The following ENTREP1 variants were observed in gnomAD, a reference collection of about 807,000 sequenced individuals.
ENTREP1 encodes Friedreich ataxia region gene X123.
At chr9:69,335,929 A>G in the ENTREP1 span, among the ~76,000 whole-genome samples, 1 of 72,700 alleles carries the variant, frequency 1.4e-5, no homozygotes, top group South Asian at 4.7e-4. Context: ...GGCTGCAGTG[A>G]GGCATGATCG....
the ENTREP1 span, chr9:69,380,720 G>T: frequency 6.6e-6 from 1 of 152,256 alleles, no homozygotes; most frequent in Non-Finnish European, 1.5e-5. Context: ...CAGGGATCAA[G>T]GAGTCTCCAA....
chr9:69,366,889 T>G, the ENTREP1 span, among the ~76,000 whole-genome samples: 1 of 152,062 alleles, frequency 6.6e-6, no homozygotes, highest in Non-Finnish European at 1.5e-5. Flanking sequence ...TCTGTTCCAT[T>G]AGTCTACATT....
At chr9:69,343,490 G>A in the ENTREP1 span, among the ~76,000 whole-genome samples, 5 of 152,260 alleles carry the variant, frequency 3.3e-5, no homozygotes, top group Admixed American at 6.5e-5. Context: ...CCAGGCTCCT[G>A]AGTGAAGTGG....
chr9:69,348,645 T>C, the ENTREP1 span, among the ~76,000 whole-genome samples: 1 of 152,244 alleles, frequency 6.6e-6, no homozygotes, highest in Non-Finnish European at 1.5e-5. Context: ...AATGTACTTT[T>C]TGTCTTCATA....
At chr9:69,333,694 C>T in the ENTREP1 span, among the ~76,000 whole-genome samples, 1,716 of 152,276 alleles carry the variant, frequency 0.011, 30 homozygotes, top group African/African-American at 0.039. Flanking sequence ...TAATGTCAAA[C>T]GCTAACTAAT....
At chr9:69,369,316 A>G in the ENTREP1 span, among the ~76,000 whole-genome samples, 1 of 152,180 alleles carries the variant, frequency 6.6e-6, no homozygotes, top group Admixed American at 6.5e-5. Context: ...TCTTTATAGT[A>G]GAATGATTTA....
At chr9:69,358,763 A>G in the ENTREP1 span, among the ~76,000 whole-genome samples, 1 of 152,250 alleles carries the variant, frequency 6.6e-6, no homozygotes, top group African/African-American at 2.4e-5. Context: ...GCACAAATTC[A>G]TTGTTAACAT....
At chr9:69,324,642 C>CTGCG in the ENTREP1 span, 54 of 985,392 alleles carry the variant, frequency 5.5e-5, no homozygotes, top group Non-Finnish European at 6.3e-5. Context: ...TAGGCACGTC[C>CTGCG]TGCGCCCTGT....
At chr9:69,332,600 T>C in the ENTREP1 span, among the ~76,000 whole-genome samples, 1 of 152,220 alleles carries the variant, frequency 6.6e-6, no homozygotes, top group African/African-American at 2.4e-5. Flanking sequence ...TATATACATT[T>C]TGTACATATT....
At chr9:69,384,313 C>A in the ENTREP1 span, among the ~76,000 whole-genome samples, 5 of 152,086 alleles carry the variant, frequency 3.3e-5, no homozygotes, top group African/African-American at 1.2e-4. Flanking sequence ...AAAATACCAT[C>A]AACTATTAGG....
chr9:69,355,715 G>A, the ENTREP1 span, among the ~76,000 whole-genome samples: 2 of 152,184 alleles, frequency 1.3e-5, no homozygotes, highest in Non-Finnish European at 1.5e-5. Context: ...TGGCAGCCAG[G>A]TTGGGAATCA....
At chr9:69,332,693 T>C in the ENTREP1 span, among the ~76,000 whole-genome samples, 1 of 152,204 alleles carries the variant, frequency 6.6e-6, no homozygotes, top group African/African-American at 2.4e-5. Context: ...AAAGATAGCT[T>C]AGTTCTTTGG....
the ENTREP1 span, chr9:69,384,089 G>A: frequency 7.8e-7 from 1 of 1,282,098 alleles, no homozygotes; most frequent in African/African-American, 1.5e-5. Context: ...TGGGCAAGGT[G>A]GCTTATCTCT....
At chr9:69,332,267 G>T in the ENTREP1 span, among the ~76,000 whole-genome samples, 1 of 152,168 alleles carries the variant, frequency 6.6e-6, no homozygotes, top group Non-Finnish European at 1.5e-5. Flanking sequence ...CCTTTGTTGC[G>T]GGGTTCAGGA....
chr9:69,374,896 G>A, the ENTREP1 span, among the ~76,000 whole-genome samples: 1 of 152,170 alleles, frequency 6.6e-6, no homozygotes, highest in East Asian at 1.9e-4. Context: ...GGAGGTGAAG[G>A]TATTAGATTC....
At chr9:69,335,834 A>ATGTGCCTGTAGTCCTGACG in the ENTREP1 span, among the ~76,000 whole-genome samples, 1 of 147,096 alleles carries the variant, frequency 6.8e-6, no homozygotes, top group Admixed American at 6.8e-5. Flanking sequence ...GTGTGGTGAC[A>ATGTGCCTGTAGTCCTGACG]TGCGCCTGTA....
At chr9:69,370,282 T>C in the ENTREP1 span, among the ~76,000 whole-genome samples, 2 of 152,222 alleles carry the variant, frequency 1.3e-5, no homozygotes, top group Admixed American at 1.3e-4. Context: ...TTAGATCTCT[T>C]TGAGTAGCAA....
the ENTREP1 span, among the ~76,000 whole-genome samples, chr9:69,356,392 T>A: frequency 6.6e-6 from 1 of 152,178 alleles, no homozygotes. Flanking sequence ...GAACGCCCTG[T>A]GAGTACAGAC....
At chr9:69,375,709 AT>A in the ENTREP1 span, 887 of 1,498,826 alleles carry the variant, frequency 5.9e-4, no homozygotes, top group Non-Finnish European at 6.8e-4. Flanking sequence ...TAATTAAAGT[AT>A]TTTTTTTTAC....
Sources: allele counts gnomAD v4.1 joint callset (sites outside exome capture counted in the v4.1 genomes callset), GRCh38; gene constraint gnomAD v4.1.1; transcripts MANE v1.5; gene names NCBI Gene and HGNC (gene_info 2026-07-23, HGNC 2026-07-21).